Variants in PKN2 observed in about 807,000 individuals in gnomAD.
PKN2 encodes the protein protein kinase N2, also known as serine/threonine-protein kinase N2.
In PKN2, 38 loss-of-function variants were observed where a neutral mutation model predicts 119.1. The observed-to-expected ratio is 0.32, with a 90% CI of 0.25 to 0.42. The LOEUF (loss-of-function observed/expected upper bound fraction) is 0.42. PKN2 is among the 10% of genes least tolerant of loss of function. PKN2 has a pLI of 1.00. For synonymous variants in PKN2, 390 were observed against 384.9 expected, an observed-to-expected ratio of 1.01 and a Z score of -0.15; for missense variants, 850 against 1,165.1, an observed-to-expected ratio of 0.73 and a Z score of 3.94.
intron 1 of PKN2, among the ~76,000 whole-genome samples, chr1:88,700,073 G>A (rs767505761): frequency 6.6e-5 from 10 of 151,992 alleles, no homozygotes; most frequent in African/African-American, 1.2e-4. Context: ...ATGAGCCACC[G>A]TGCCTGGCTA....
At chr1:88,763,624 AAAG>A (rs1049488841) in intron 3 of PKN2, among the ~76,000 whole-genome samples, 14 of 151,620 alleles carry the variant, frequency 9.2e-5, no homozygotes, top group African/African-American at 2.2e-4. Flanking sequence ...AAAAAAAAAA[AAAG>A]AAAGTTCACA....
chr1:88,804,726 G>T, intron 9 of PKN2, 120 bp from the exon 10 acceptor site: 1 of 753,380 alleles, frequency 1.3e-6, no homozygotes, highest in East Asian at 2.7e-5. Context: ...TTCTCATGTA[G>T]AAAATGAGGG....
At chr1:88,822,831 G>A (rs537797825) in intron 17 of PKN2, among the ~76,000 whole-genome samples, 355 of 152,098 alleles carry the variant, frequency 2.3e-3, no homozygotes, top group African/African-American at 7.8e-3. Context: ...TACCCGCCTC[G>A]GCCTCCCAAA....
chr1:88,765,296 A>AAAG (rs1669622784), intron 3 of PKN2, among the ~76,000 whole-genome samples: 1 of 151,480 alleles, frequency 6.6e-6, no homozygotes. Flanking sequence ...AAAAAAAAAA[A>AAAG]AGACATGTCT....
intron 6 of PKN2, chr1:88,781,050 A>G: frequency 9.5e-7 from 1 of 1,048,470 alleles, no homozygotes; most frequent in Non-Finnish European, 1.2e-6. Context: ...TTTTTAAAAA[A>G]TTCTTTAAGC....
Position 88,833,356 on chromosome 1 carries a change from C to T in PKN2, c.2863C>T (p.Pro955Ser). The change falls in exon 22 of 22, where the codon CCT becomes TCT. Residue 955 changes from proline (P) to serine (S), a missense_variant. Physicochemically the swap from Pro to Ser is moderately conservative, Grantham distance 74 (BLOSUM62 -1). Coordinates refer to ENST00000370521, the MANE Select transcript of PKN2 (RefSeq NM_006256.4). ...TGATGATGAATTTACCTCAGAAGCA[C>T]CTATTCTGACTCCACCTCGAGAACC... ...NFDDEFTSEA[P>S]ILTPPREPRI... The T allele has an allele frequency of 6.2e-7, 1 of 1,612,892 alleles. No homozygotes were observed. The highest frequency in any genetic ancestry group is 8.5e-7 in the Non-Finnish European group (1 of 1,178,984).
chr1:88,740,702 C>T (rs1396653125), intron 1 of PKN2, among the ~76,000 whole-genome samples: 8 of 151,998 alleles, frequency 5.3e-5, no homozygotes, highest in Non-Finnish European at 1.0e-4. Context: ...TACCAAAATC[C>T]GCTATCTTTA....
In PKN2 at chr1:88,804,838, C is replaced by T; in HGVS notation, c.1426-8C>T. 1.4e-6 allele frequency: 2 copies of T among 1,479,880 alleles called. No homozygotes were observed. The highest frequency in any genetic ancestry group is 1.9e-6 in the Non-Finnish European group (2 of 1,079,178). 91.7% of individuals were successfully genotyped at this position (1,479,880 alleles called of 1,614,324 possible). A position where few individuals can be genotyped will look rare whatever the true frequency, so the allele number is the denominator to read the frequency against. On this transcript the variant is annotated splice_region_variant and splice_polypyrimidine_tract_variant and intron_variant, in intron 9 of 21. Transcript: ENST00000370521. ...TTTTCATGTCAACTTGAATTTTCTT[C>T]ACTGCAGGTTACCTTTTTTAATCCA...
intron 16 of PKN2, among the ~76,000 whole-genome samples, chr1:88,818,235 T>A (rs371116485): frequency 2.6e-5 from 4 of 152,168 alleles, no homozygotes; most frequent in African/African-American, 9.7e-5. Context: ...TGGAAAAACA[T>A]TCCATGCTCA....
chr1:88,772,983 T>A (rs1557601181), intron 6 of PKN2, among the ~76,000 whole-genome samples: 1 of 152,212 alleles, frequency 6.6e-6, no homozygotes, highest in Non-Finnish European at 1.5e-5. Context: ...TGGGCTGTTT[T>A]GCTAGGTTCA....
At chr1:88,756,388 C>A (rs190257469) in intron 2 of PKN2, among the ~76,000 whole-genome samples, 73 of 152,230 alleles carry the variant, frequency 4.8e-4, no homozygotes, top group Non-Finnish European at 6.2e-4. Flanking sequence ...TTTGCCCTAC[C>A]TACCTTTTTA....
chr1:88,807,493 T>C lies in PKN2; in HGVS notation c.1935-36T>C, dbSNP rs759806538. The C allele has an allele frequency of 3.1e-6, 5 of 1,603,082 alleles. No individual in the cohort carries two copies. The African/African-American group carries it at 5.4e-5, about 17-fold the overall frequency. On this transcript the variant is annotated intron_variant, in intron 13 of 21. Transcript: ENST00000370521. ...CGACTACATGTTTGGTACCATACTT[T>C]ATTGTCTTATTATTAATTGAAATTT...
intron 1 of PKN2, among the ~76,000 whole-genome samples, chr1:88,708,432 AT>A (rs1257348610): frequency 1.3e-5 from 2 of 152,022 alleles, no homozygotes; most frequent in African/African-American, 4.8e-5. Flanking sequence ...TGGAAAAAAA[AT>A]GTTTCTTTGT....
Position 88,833,647 on chromosome 1 carries a change from A to G in PKN2, c.*199A>G. Reference sequence around the variant, plus strand: ...CTCCTCATTGTACTTCAGCGTAAATATGAGCACTGGAAACAGTTTCATGGA... The same window carrying G: ...CTCCTCATTGTACTTCAGCGTAAATGTGAGCACTGGAAACAGTTTCATGGA... On this transcript the variant is annotated 3_prime_UTR_variant, in exon 22 of 22. Transcript: ENST00000370521. The G allele has an allele frequency of 1.8e-6, 1 of 550,596 alleles. No homozygotes were observed. 34.1% of individuals were successfully genotyped at this position (550,596 alleles called of 1,614,324 possible). A position where few individuals can be genotyped will look rare whatever the true frequency, so the allele number is the denominator to read the frequency against.
intron 1 of PKN2, among the ~76,000 whole-genome samples, chr1:88,719,090 C>T (rs1667568578): frequency 6.6e-6 from 1 of 152,054 alleles, no homozygotes; most frequent in African/African-American, 2.4e-5. Context: ...TTTCTTGTGT[C>T]GTTAGCATAT....
intron 6 of PKN2, among the ~76,000 whole-genome samples, chr1:88,779,017 C>G (rs1474797017): frequency 2.1e-4 from 32 of 152,318 alleles, no homozygotes; most frequent in East Asian, 3.9e-4. Context: ...GCCGCCGCGC[C>G]CAGCCAAAGA....
chr1:88,833,464 G>C lies in PKN2; in HGVS notation c.*16G>C. On this transcript the variant is annotated 3_prime_UTR_variant, in exon 22 of 22. Transcript: ENST00000370521. ...TTGGTGTTAAGTTGCTAGACACTGC[G>C]AAACCAAGCTGACTCACAAGAAGAC... The C allele has an allele frequency of 6.2e-7, 1 of 1,603,192 alleles. No individual in the cohort carries two copies. The highest frequency in any genetic ancestry group is 8.5e-7 in the Non-Finnish European group (1 of 1,170,770).
chr1:88,784,306 G>A (rs1008762983), intron 6 of PKN2, among the ~76,000 whole-genome samples: 6 of 151,634 alleles, frequency 4.0e-5, no homozygotes, highest in Admixed American at 6.6e-5. Flanking sequence ...TGTATTTTTA[G>A]TATACAGGGT....
intron 16 of PKN2, among the ~76,000 whole-genome samples, chr1:88,820,812 C>T (rs1672251795): frequency 6.6e-6 from 1 of 152,032 alleles, no homozygotes; most frequent in Non-Finnish European, 1.5e-5. Context: ...AACTAATTAT[C>T]CTAAGGGTCT....
Sources: allele counts gnomAD v4.1 joint callset (sites outside exome capture counted in the v4.1 genomes callset), GRCh38; gene constraint gnomAD v4.1.1; transcripts MANE v1.5; gene names NCBI Gene and HGNC (gene_info 2026-07-23, HGNC 2026-07-21).